Variants in EXOC5 observed in about 807,000 individuals in gnomAD.
The protein encoded by EXOC5 is exocyst complex component 5.
EXOC5 carries 17 observed loss-of-function variants against 90.8 expected under a neutral mutation model. That is an observed-to-expected ratio of 0.19 (90% CI 0.13 to 0.28). The LOEUF (loss-of-function observed/expected upper bound fraction) is 0.28. Ranked by LOEUF, EXOC5 falls within the 10% of genes least tolerant of loss-of-function variation. The probability of loss-of-function intolerance (pLI) is 1.00; values close to 1 mark genes in which losing one functional copy is unlikely to be tolerated. For synonymous variants in EXOC5, 260 were observed against 270.0 expected (o/e 0.96, Z 0.36); for missense variants, 569 against 830.6 (o/e 0.69, Z 3.87).
chr14:57,208,709 G>A lies in EXOC5; in HGVS notation c.2027C>T (p.Ser676Leu). The A allele has an allele frequency of 6.2e-7, 1 of 1,611,000 alleles. No individual in the cohort carries two copies. The highest frequency in any genetic ancestry group is 8.5e-7 in the Non-Finnish European group (1 of 1,177,580). Residue 676 changes from serine to leucine, a missense_variant, in exon 18 of 18, where the codon TCA becomes TTA. Transcript: ENST00000621441. ...GTCCAGATTAGCAAGTTGTTCTCCTGAGCAGACTTGCTTTAAATTATCTGG... is the reference window on the plus strand; with the variant it reads ...GTCCAGATTAGCAAGTTGTTCTCCTAAGCAGACTTGCTTTAAATTATCTGG... ...VAPDNLKQVC[S>L]GEQLANLDKN...
At position 57,205,376 on chromosome 14, in the gene EXOC5, A is replaced by G. The variant is rs1882621446; in HGVS notation, c.*3233T>C. On this transcript the variant is annotated 3_prime_UTR_variant, in exon 18 of 18. Transcript: ENST00000621441. Reference sequence around the variant, plus strand: ...GAAAGCACAAAATGCTTTGTATGTAAAATTCAACAATATATGGGTAATGTG... The same window carrying G: ...GAAAGCACAAAATGCTTTGTATGTAGAATTCAACAATATATGGGTAATGTG... The G allele has an allele frequency of 1.3e-5, 2 of 154,070 alleles. No homozygotes were observed. Among genetic ancestry groups the G allele is most frequent in the Admixed American group, 1.3e-4 (2 of 15,354 alleles). 9.5% of individuals were successfully genotyped at this position (154,070 alleles called of 1,614,324 possible).
At position 57,206,204 on chromosome 14, in the gene EXOC5, C is replaced by A; in HGVS notation, c.*2405G>T. On this transcript the variant is annotated 3_prime_UTR_variant, in exon 18 of 18. Coordinates refer to ENST00000621441, the MANE Select transcript of EXOC5 (RefSeq NM_006544.4). ...TTACGTAAATGTTGGTTAAAGTTAC[C>A]AATTATACAAAGCTCCACTCTCTAC... 3.4e-6 allele frequency: 1 copy of A among 294,106 alleles called. No individual in the cohort carries two copies. The highest frequency in any genetic ancestry group is 3.3e-5 in the South Asian group (1 of 30,704). 18.2% of individuals were successfully genotyped at this position (294,106 alleles called of 1,614,324 possible). A position where few individuals can be genotyped will look rare whatever the true frequency, so the allele number is the denominator to read the frequency against.
Position 57,209,985 on chromosome 14 carries a change from C to T in EXOC5, c.1690G>A (p.Asp564Asn). 1.3e-6 allele frequency: 2 copies of T among 1,584,264 alleles called. No individual in the cohort carries two copies. Among genetic ancestry groups the T allele is most frequent in the South Asian group, 1.1e-5 (1 of 88,984 alleles). ...EQKKTDFKPE[D>N]ENNVLIQYTN... ...TATTGAATCAAAACATTGTTTTCAT[C>T]TTCTGGCTTAAAATCTGTTTTCTTC... Residue 564 changes from aspartate (D) to asparagine (N), a missense_variant, in exon 16 of 18, where the codon GAT becomes AAT. Physicochemically the swap from Asp to Asn is conservative, Grantham distance 23. This residue lies in a region of EXOC5 where 122 missense variants were observed against 180.0 expected (regional missense o/e 0.68). Transcript: ENST00000621441.
rs3048723 is a variant in EXOC5 at position 57,215,412 on chromosome 14, T to TA, written c.1613+2569dup. On this transcript the variant is annotated intron_variant, in intron 15 of 17. Transcript: ENST00000621441. ...CCAATATCCCTGATGAATAAAGATG[T>TA]AAAAAAAAAAAATAGCAAACTGAAT... 3.1e-3 allele frequency among the ~76,000 whole-genome samples: 455 copies of TA among 144,958 alleles called. 1 individual carries two copies. The highest frequency in any genetic ancestry group is 6.1e-3 in the African/African-American group (245 of 40,158).
chr14:57,237,504 T>C (rs1229609504), intron 5 of EXOC5, 138 bp from the exon 6 acceptor site: 3 of 547,742 alleles, frequency 5.5e-6, no homozygotes, highest in Non-Finnish European at 3.3e-6. Flanking sequence ...TTTCTGTAAA[T>C]CCAAAACCAT....
intron 1 of EXOC5, chr14:57,268,310 A>T: frequency 1.7e-6 from 1 of 576,994 alleles, no homozygotes; most frequent in East Asian, 3.6e-5. Context: ...TCCGGAGTAG[A>T]CATCTTCCAA....
Position 57,216,811 on chromosome 14 carries a change from C to T in EXOC5, c.1613+1171G>A, listed in dbSNP as rs1882988947. 3.3e-5 allele frequency among the ~76,000 whole-genome samples: 5 copies of T among 151,962 alleles called. No individual in the cohort carries two copies. In the South Asian group the frequency reaches 1.0e-3, roughly 32 times the overall value. ...AGACTGCATCAAACTAAAGAGCTTC[C>T]GCACAGCAAAGAAAACCATCAACAG... On this transcript the variant is annotated intron_variant, in intron 15 of 17. Transcript: ENST00000621441.
intron 4 of EXOC5, among the ~76,000 whole-genome samples, chr14:57,240,053 T>A (rs987905190): frequency 6.6e-6 from 1 of 152,170 alleles, no homozygotes; most frequent in Non-Finnish European, 1.5e-5. Flanking sequence ...TAAAAATAAT[T>A]TAGAGCATAC....
chr14:57,268,406 C>T, intron 1 of EXOC5: 3 of 1,372,246 alleles, frequency 2.2e-6, no homozygotes, highest in Non-Finnish European at 2.9e-6. Flanking sequence ...CCCTCTCTGC[C>T]GACCGGCCGC....
intron 1 of EXOC5, 36 bp downstream of exon 1, chr14:57,268,586 G>A (rs889477937): frequency 1.3e-6 from 2 of 1,576,474 alleles, no homozygotes; most frequent in East Asian, 2.3e-5. Context: ...TGCAAACCCC[G>A]GGCCTGCCAC....
At chr14:57,251,988 A>G (rs1424288295) in intron 1 of EXOC5, among the ~76,000 whole-genome samples, 69 of 152,206 alleles carry the variant, frequency 4.5e-4, no homozygotes, top group Admixed American at 4.5e-3. Context: ...GAAACACAAA[A>G]TCTACCAAGG....
rs1227775210 is a variant in EXOC5 at position 57,206,805 on chromosome 14, G to A, written c.*1804C>T. The A allele has an allele frequency of 6.6e-6, 1 of 152,326 alleles. No homozygotes were observed. The highest frequency in any genetic ancestry group is 1.5e-5 in the Non-Finnish European group (1 of 67,908). The allele number at this position is 152,326 out of a possible 1,614,324, so 9.4% of individuals were successfully genotyped here. A position where few individuals can be genotyped will look rare whatever the true frequency, so the allele number is the denominator to read the frequency against. On this transcript the variant is annotated 3_prime_UTR_variant, in exon 18 of 18. Coordinates refer to ENST00000621441, the MANE Select transcript of EXOC5 (RefSeq NM_006544.4). ...ATAATTTGAAGCACTTCTCTGATTT[G>A]GAAGTCTTAAAATGTTATCTCATGT...
chr14:57,223,964 G>A (rs1368226363), intron 12 of EXOC5, among the ~76,000 whole-genome samples: 2 of 152,068 alleles, frequency 1.3e-5, no homozygotes, highest in Non-Finnish European at 1.5e-5. Flanking sequence ...TCTAAATCAC[G>A]TTTGGGCCAG....
intron 1 of EXOC5, among the ~76,000 whole-genome samples, chr14:57,250,972 A>G (rs1884171032): frequency 6.6e-6 from 1 of 152,216 alleles, no homozygotes; most frequent in Admixed American, 6.5e-5. Flanking sequence ...TACACAACAC[A>G]TGAATGAGCA....
At chr14:57,255,033 C>T (rs1272969076) in intron 1 of EXOC5, among the ~76,000 whole-genome samples, 1 of 152,024 alleles carries the variant, frequency 6.6e-6, no homozygotes, top group Non-Finnish European at 1.5e-5. Context: ...CATGTTAGCA[C>T]CAGAGAACAT....
Position 57,234,727 on chromosome 14 carries a change from G to A in EXOC5, c.670-695C>T, listed in dbSNP as rs951273403. On this transcript the variant is annotated intron_variant, in intron 7 of 17. Coordinates refer to ENST00000621441, the MANE Select transcript of EXOC5 (RefSeq NM_006544.4). ...ACTACAGGCACATGCCTCCCCTCCG[G>A]CTAATTTTTGTATTTTCTGTAGAGA... is the stretch of plus-strand genomic sequence containing the variant. Among the ~76,000 whole-genome samples, 3 of 151,314 alleles carry A rather than the reference G, an allele frequency of 2.0e-5. No homozygotes were observed. In the East Asian group the frequency reaches 5.9e-4, roughly 30 times the overall value.
At chr14:57,243,593 C>T (rs1594672787) in intron 4 of EXOC5, 1 of 152,152 alleles carries the variant, frequency 6.6e-6, no homozygotes, top group Admixed American at 6.5e-5. Flanking sequence ...GATTGTAGAG[C>T]AGCCAATACC....
In EXOC5 at chr14:57,204,779, A is replaced by G. The variant is rs1882599192; in HGVS notation, c.*3830T>C. ...ATAATATTTAAAAAATCAAATTTAA[A>G]AAGTATGACCATACATTGAACATAT... On this transcript the variant is annotated 3_prime_UTR_variant, in exon 18 of 18. Coordinates refer to ENST00000621441, the MANE Select transcript of EXOC5 (RefSeq NM_006544.4). The G allele has an allele frequency of 6.6e-6, 1 of 152,500 alleles. No homozygotes were observed. Among genetic ancestry groups the G allele is most frequent in the Admixed American group, 6.6e-5 (1 of 15,250 alleles). 9.4% of individuals were successfully genotyped at this position (152,500 alleles called of 1,614,324 possible).
chr14:57,208,967 G>T (rs1212313775), intron 17 of EXOC5, among the ~76,000 whole-genome samples, 170 bp from the exon 18 acceptor site: 1 of 152,100 alleles, frequency 6.6e-6, no homozygotes. Flanking sequence ...GATTTCAGTA[G>T]TTAAATAAAC....
Sources: gnomAD v4.1 joint callset for allele counts (sites outside exome capture counted in the v4.1 genomes callset) on GRCh38, gnomAD v4.1.1 for gene constraint, gnomAD v4.1.1 regional missense constraint, MANE v1.5 for transcripts, NCBI Gene and HGNC (gene_info 2026-07-23, HGNC 2026-07-21) for gene names.